Variants in LMTK3 observed in about 807,000 individuals in gnomAD.
LMTK3 encodes the protein lemur tail kinase 3.
A neutral mutation model predicts 116.7 loss-of-function variants in LMTK3; 27 were observed. The observed-to-expected ratio is 0.23, with a 90% CI of 0.17 to 0.32. The LOEUF (loss-of-function observed/expected upper bound fraction) is 0.32, where lower values mean the gene tolerates loss of function less well. Among genes scored for constraint, LMTK3 ranks in the 10% least tolerant of loss-of-function variants. LMTK3 has a pLI of 1.00. For synonymous variants in LMTK3, 965 were observed against 971.0 expected (o/e 0.99, Z 0.11); for missense variants, 1,764 against 2,068.5 (o/e 0.85, Z 2.86).
chr19:48,487,026 C>T (rs947558562), intron 14 of LMTK3, among the ~76,000 whole-genome samples: 6 of 146,254 alleles, frequency 4.1e-5, no homozygotes, highest in African/African-American at 1.0e-4. Flanking sequence ...CCACCACACC[C>T]GGCTATTTTT....
At chr19:48,503,301 G>C (rs1972504920) in intron 5 of LMTK3, among the ~76,000 whole-genome samples, 2 of 152,100 alleles carry the variant, frequency 1.3e-5, no homozygotes, top group African/African-American at 4.8e-5. Context: ...ACCCTCCTCA[G>C]GCTCCCAAAG....
intron 5 of LMTK3, among the ~76,000 whole-genome samples, chr19:48,503,419 A>G (rs1357791256): frequency 6.6e-6 from 1 of 151,720 alleles, no homozygotes; most frequent in Non-Finnish European, 1.5e-5. Flanking sequence ...CTCCTTCCCC[A>G]GGTCCCCATC....
chr19:48,510,921 G>A (rs1343626864), intron 1 of LMTK3, among the ~76,000 whole-genome samples: 1 of 152,228 alleles, frequency 6.6e-6, no homozygotes, highest in Non-Finnish European at 1.5e-5. Flanking sequence ...GGAGCTTGCA[G>A]AATTTAAAAT....
chr19:48,508,238 G>A (rs1468572826), intron 5 of LMTK3, among the ~76,000 whole-genome samples: 1 of 151,962 alleles, frequency 6.6e-6, no homozygotes, highest in East Asian at 1.9e-4. Context: ...TGGAGTGAGG[G>A]AGTGCCAAAA....
chr19:48,501,306 G>A lies in LMTK3; in HGVS notation c.978C>T (p.Asp326=), dbSNP rs751370718. ...ACCAGATGTTGCTCTCGCGGCTCTG[G>A]TCCACCACCATGAAGGTCCCGTGGA... is the stretch of plus-strand genomic sequence containing the variant. The part of the protein sequence containing the change: ...GELHGTFMVV[D]QSRESNIWSL... The change falls in exon 9 of 15, where the codon GAC becomes GAT. Residue 326 remains aspartate (D), a synonymous_variant. Transcript: ENST00000600059. 7 of 1,613,450 alleles carry A rather than the reference G, an allele frequency of 4.3e-6. No homozygotes were observed. The African/African-American group carries it at 8.0e-5, about 18-fold the overall frequency.
At position 48,511,588 on chromosome 19, in the gene LMTK3, T is replaced by C; in HGVS notation, c.-12A>G. The C allele has an allele frequency of 2.2e-6, 2 of 902,502 alleles. No individual in the cohort carries two copies. The highest frequency in any genetic ancestry group is 2.8e-5 in the South Asian group (1 of 36,210). The allele number at this position is 902,502 out of a possible 1,614,324, so 55.9% of individuals were successfully genotyped here. A position where few individuals can be genotyped will look rare whatever the true frequency, so the allele number is the denominator to read the frequency against. On this transcript the variant is annotated 5_prime_UTR_variant, in exon 1 of 15. Coordinates refer to ENST00000600059, the MANE Select transcript of LMTK3 (RefSeq NM_001388485.1). ...CCGGGGGCAGGCATCTTGTCGAGGA[T>C]GGCAGGGAGGTGGAGGTGGTGGCGG...
chr19:48,498,473 G>T lies in LMTK3; in HGVS notation c.2596C>A (p.Leu866Met). ...QVSTEQLLMS[L>M]REDVTRNLLG... is the part of the protein sequence containing the mutation. ...AGGTTCCTTGTCACATCCTCCCGCAGGGACATCAGCAGCTGTTCCGTGCTC... is the reference window on the plus strand; with the variant it reads ...AGGTTCCTTGTCACATCCTCCCGCATGGACATCAGCAGCTGTTCCGTGCTC... Residue 866 changes from leucine (L) to methionine (M), a missense_variant, in exon 11 of 15, where the codon CTG becomes ATG. Around this residue, in one of 7 missense-constraint regions of LMTK3, gnomAD observed 1,028 missense variants for 1,050.6 expected, o/e 0.98. Transcript: ENST00000600059. The T allele has an allele frequency of 6.2e-7, 1 of 1,601,612 alleles. No individual in the cohort carries two copies. The highest frequency in any genetic ancestry group is 2.3e-5 in the East Asian group (1 of 44,218).
intron 7 of LMTK3, among the ~76,000 whole-genome samples, chr19:48,502,075 TCC>T (rs1377300321): frequency 2.3e-5 from 1 of 43,926 alleles, no homozygotes; most frequent in African/African-American, 9.3e-5. Context: ...TGGCTCCTCC[TCC>T]CCCTCTCCTG....
rs1972359486 is a variant in LMTK3, at chr19:48,497,776, G to A, written c.3293C>T (p.Ala1098Val). ...TERRAPETGG[A>V]PRAPGAGRLD... ...CCTCCCAGCCCCTGGGGCTCTCGGC[G>A]CCCCCCCAGTCTCGGGGGCTCTCCT... The change falls in exon 11 of 15, where the codon GCG becomes GTG. Residue 1098 changes from alanine (A) to valine (V), a missense_variant. This residue lies in a region of LMTK3 where 1,028 missense variants were observed against 1,050.6 expected (regional missense o/e 0.98). Coordinates refer to ENST00000600059, the MANE Select transcript of LMTK3 (RefSeq NM_001388485.1). This position sits in a 1 kb window ranked among gnomAD's most constrained non-coding sequence, Gnocchi z 5.7. 8 of 1,355,530 alleles carry A rather than the reference G, an allele frequency of 5.9e-6. No homozygotes were observed. Among genetic ancestry groups the A allele is most frequent in the South Asian group, 1.9e-5 (1 of 53,104 alleles). 84.0% of individuals were successfully genotyped at this position (1,355,530 alleles called of 1,614,324 possible).
At position 48,502,474 on chromosome 19, in the gene LMTK3, G is replaced by A. The variant is rs1454989057; in HGVS notation, c.753C>T (p.Ala251=). Residue 251 remains alanine, a synonymous_variant, in exon 7 of 15, where the codon GCC becomes GCT. Coordinates refer to ENST00000600059, the MANE Select transcript of LMTK3 (RefSeq NM_001388485.1). Reference sequence around the variant, plus strand: ...GGGAATGCAGGTGCGCCAGCCCGCGGGCGATCTCCAGGCCCATCCTCTGCA... The same window carrying A: ...GGGAATGCAGGTGCGCCAGCCCGCGAGCGATCTCCAGGCCCATCCTCTGCA... ...RTLQRMGLEI[A]RGLAHLHSHN... is the part of the protein sequence containing the mutation. 1 of 1,611,292 alleles carries A rather than the reference G, an allele frequency of 6.2e-7. No homozygotes were observed. Among genetic ancestry groups the A allele is most frequent in the South Asian group, 1.1e-5 (1 of 91,002 alleles).
chr19:48,496,301 CTTTT>C (rs553971997), intron 11 of LMTK3, among the ~76,000 whole-genome samples: 1 of 122,308 alleles, frequency 8.2e-6, no homozygotes, highest in Admixed American at 8.0e-5. Flanking sequence ...TTTTTCTTTT[CTTTT>C]TTTTTTTTTC....
Position 48,485,659 on chromosome 19 carries a change from CG to C in LMTK3, c.*113del, listed in dbSNP as rs1972109541. The C allele has an allele frequency of 2.5e-6, 3 of 1,211,236 alleles. No individual in the cohort carries two copies. Among genetic ancestry groups the C allele is most frequent in the Non-Finnish European group, 1.2e-6 (1 of 846,966 alleles). The allele number at this position is 1,211,236 out of a possible 1,614,324, so 75.0% of individuals were successfully genotyped here. On this transcript the variant is annotated 3_prime_UTR_variant, in exon 15 of 15. Coordinates refer to ENST00000600059, the MANE Select transcript of LMTK3 (RefSeq NM_001388485.1). ...GAGTGGGAGGGGGAGGGCCCAGCCTCGGGGGCCTCCCCAGAGGCGGCGTCTG... is the reference window on the plus strand; with the variant it reads ...GAGTGGGAGGGGGAGGGCCCAGCCTCGGGGCCTCCCCAGAGGCGGCGTCTG...
At chr19:48,490,557 G>A (rs1316342594) in intron 14 of LMTK3, among the ~76,000 whole-genome samples, 5 of 149,538 alleles carry the variant, frequency 3.3e-5, no homozygotes, top group African/African-American at 1.2e-4. Context: ...AAATGAGGAC[G>A]AGGCTAGAAT....
In LMTK3 at chr19:48,485,751, G is replaced by A; in HGVS notation, c.*22C>T. The stretch of plus-strand genomic sequence containing the variant: ...TCTCAACCCCTCTTCTGAGGGTGCA[G>A]CGGGGTCGGGTCTTCGGGGAATCAA... On this transcript the variant is annotated 3_prime_UTR_variant, in exon 15 of 15. Transcript: ENST00000600059. 1 of 1,609,540 alleles carries A rather than the reference G, an allele frequency of 6.2e-7. No individual in the cohort carries two copies. Among genetic ancestry groups the A allele is most frequent in the East Asian group, 2.2e-5 (1 of 44,728 alleles).
intron 11 of LMTK3, among the ~76,000 whole-genome samples, chr19:48,496,873 A>G (rs1262425073): frequency 1.3e-5 from 2 of 152,250 alleles, no homozygotes; most frequent in Non-Finnish European, 2.9e-5. Flanking sequence ...GCTCTAGTTT[A>G]AAAGGGAAAA....
At position 48,511,626 on chromosome 19, in the gene LMTK3, G is replaced by T. The variant is rs765366481; in HGVS notation, c.-50C>A. 6.7e-5 allele frequency: 43 copies of T among 637,326 alleles called. No individual in the cohort carries two copies. Among genetic ancestry groups the T allele is most frequent in the Non-Finnish European group, 1.0e-4 (41 of 399,532 alleles). The allele number at this position is 637,326 out of a possible 1,614,324, so 39.5% of individuals were successfully genotyped here. A position where few individuals can be genotyped will look rare whatever the true frequency, so the allele number is the denominator to read the frequency against. On this transcript the variant is annotated 5_prime_UTR_variant, in exon 1 of 15. Transcript: ENST00000600059. ...GAGGTGGTGGCGGCTGGGGAGGAGG[G>T]GGGGGCGGGCCCTCAGCCCCCAGCC...
Position 48,485,772 on chromosome 19 carries a change from A to C in LMTK3, c.*1T>G. 1 of 1,610,938 alleles carries C rather than the reference A, an allele frequency of 6.2e-7. No individual in the cohort carries two copies. Among genetic ancestry groups the C allele is most frequent in the Non-Finnish European group, 8.5e-7 (1 of 1,178,766 alleles). On this transcript the variant is annotated 3_prime_UTR_variant, in exon 15 of 15. Transcript: ENST00000600059. ...TGCAGCGGGGTCGGGTCTTCGGGGA[A>C]TCAATTCTCCACGGGGCCTGAGGAT...
chr19:48,486,541 T>C (rs915553793), intron 14 of LMTK3, among the ~76,000 whole-genome samples: 1 of 149,042 alleles, frequency 6.7e-6, no homozygotes, highest in African/African-American at 2.6e-5. Context: ...GTTGTTGTTG[T>C]TGCTGCTTTG....
chr19:48,510,643 GGAATCATGCC>G, intron 1 of LMTK3, 51 bp from the exon 2 acceptor site: 1 of 1,491,010 alleles, frequency 6.7e-7, no homozygotes, highest in Non-Finnish European at 8.9e-7. Flanking sequence ...CCTGGATACC[GGAATCATGCC>G]CCCTCCCGTC....
Sources: allele counts gnomAD v4.1 joint callset (sites outside exome capture counted in the v4.1 genomes callset), GRCh38; gene constraint gnomAD v4.1.1; regional missense constraint gnomAD v4.1.1; non-coding constraint Gnocchi (gnomAD v3.1); transcripts MANE v1.5; gene names NCBI Gene and HGNC (gene_info 2026-07-23, HGNC 2026-07-21).